Variants in MTG2 observed in about 807,000 individuals in gnomAD.
MTG2 encodes mitochondrial ribosome associated GTPase 2.
A neutral mutation model predicts 28.6 loss-of-function variants in MTG2; 23 were observed. That is an observed-to-expected ratio of 0.80 (90% CI 0.58 to 1.14). MTG2 has a LOEUF of 1.14. Among genes scored for constraint, MTG2 ranks in the 50% most tolerant of loss-of-function variants. The pLI, the probability that MTG2 is intolerant of heterozygous loss-of-function variation, is 0.00. For missense variants in MTG2, 539 were observed against 552.0 expected (o/e 0.98, Z 0.24); for synonymous variants, 260 against 251.8 (o/e 1.03, Z -0.31).
chr20:62,188,411 G>A (rs1409494722), intron 1 of MTG2, among the ~76,000 whole-genome samples: 3 of 151,738 alleles, frequency 2.0e-5, no homozygotes, highest in Non-Finnish European at 4.4e-5. Flanking sequence ...ATGGTTCACT[G>A]CAGCCTCCAA....
intron 1 of MTG2, among the ~76,000 whole-genome samples, chr20:62,184,162 G>T (rs189380780): frequency 8.9e-4 from 135 of 152,326 alleles, no homozygotes; most frequent in South Asian, 3.7e-3. Context: ...TTAAAGACCA[G>T]CCTGGCCAAC....
At chr20:62,193,692 TC>T (rs1408026531) in intron 2 of MTG2, 68 bp downstream of exon 2, 1 of 1,429,714 alleles carries the variant, frequency 7.0e-7, no homozygotes, top group East Asian at 2.5e-5. Flanking sequence ...TGGTTTCGGG[TC>T]CTCCTCTGGG....
At chr20:62,184,121 G>A (rs892867964) in intron 1 of MTG2, among the ~76,000 whole-genome samples, 2 of 152,270 alleles carry the variant, frequency 1.3e-5, no homozygotes, top group Non-Finnish European at 1.5e-5. Context: ...AACTTTGGGA[G>A]GCCAAGGCGG....
At chr20:62,186,359 A>T (rs186544128) in intron 1 of MTG2, among the ~76,000 whole-genome samples, 20 of 152,266 alleles carry the variant, frequency 1.3e-4, no homozygotes, top group African/African-American at 4.3e-4. Context: ...GTTTACTGTG[A>T]AATTATTTTC....
Position 62,188,607 on chromosome 20 carries a change from C to T in MTG2, c.-5-4809C>T, listed in dbSNP as rs2057896153. On this transcript the variant is annotated intron_variant, in intron 1 of 6. Transcript: ENST00000370823. The stretch of plus-strand genomic sequence containing the variant: ...GCCTCAAGTTTTTCTCCTGCCTTGG[C>T]CTCTCAAACTGCTGGGATTACAGGT... 2.0e-5 allele frequency among the ~76,000 whole-genome samples: 3 copies of T among 147,398 alleles called. No individual in the cohort carries two copies. The Admixed American group carries it at 2.1e-4, about 10-fold the overall frequency.
chr20:62,187,845 C>T lies in MTG2; in HGVS notation c.-6+4788C>T, dbSNP rs115516266. Among the ~76,000 whole-genome samples, 606 of 152,262 alleles carry T rather than the reference C, an allele frequency of 4.0e-3. 5 individuals are homozygous for T. Among genetic ancestry groups the T allele is most frequent in the African/African-American group, 0.014 (585 of 41,548 alleles). On this transcript the variant is annotated intron_variant, in intron 1 of 6. Transcript: ENST00000370823. ...TCTGTATTATTCTCCTCCTTCTACTCGACGCTTACTTTGCTCTTTCTGGTT... is the reference window on the plus strand; with the variant it reads ...TCTGTATTATTCTCCTCCTTCTACTTGACGCTTACTTTGCTCTTTCTGGTT...
intron 1 of MTG2, among the ~76,000 whole-genome samples, chr20:62,185,258 A>G (rs2145823133): frequency 6.6e-6 from 1 of 152,016 alleles, no homozygotes; most frequent in Admixed American, 6.6e-5. Context: ...CTAAAAATAC[A>G]AAAATTAGCT....
intron 3 of MTG2, 159 bp from the exon 4 acceptor site, chr20:62,197,692 AT>A: frequency 3.3e-6 from 2 of 603,176 alleles, no homozygotes; most frequent in Admixed American, 3.0e-5. Flanking sequence ...TAAGGATTTC[AT>A]TTTTAAAAAA....
Position 62,200,738 on chromosome 20 carries a change from C to T in MTG2, c.882C>T (p.Ser294=), listed in dbSNP as rs141838389. The change falls in exon 7 of 7, where the codon TCC becomes TCT. Residue 294 remains serine (S), a synonymous_variant. Coordinates refer to ENST00000370823, the MANE Select transcript of MTG2 (RefSeq NM_015666.4). ...RGAHQNRGLG[S]AFLRHIERCR... Reference sequence around the variant, plus strand: ...CCCACCAGAACAGGGGTCTGGGGTCCGCCTTCCTCAGGCACATCGAGCGCT... The same window carrying T: ...CCCACCAGAACAGGGGTCTGGGGTCTGCCTTCCTCAGGCACATCGAGCGCT... The T allele has an allele frequency of 4.4e-5, 71 of 1,613,280 alleles. No homozygotes were observed. The South Asian group carries it at 6.1e-4, about 14-fold the overall frequency.
intron 1 of MTG2, among the ~76,000 whole-genome samples, chr20:62,184,361 A>G (rs906525616): frequency 2.8e-5 from 4 of 142,016 alleles, no homozygotes; most frequent in African/African-American, 1.0e-4. Context: ...CTGTCTCAAA[A>G]ACATACCCAA....
intron 1 of MTG2, among the ~76,000 whole-genome samples, chr20:62,192,267 G>A (rs936253799): frequency 3.9e-5 from 6 of 152,188 alleles, no homozygotes; most frequent in African/African-American, 4.8e-5. Context: ...GATGATTTGC[G>A]GTAGTGGCTC....
chr20:62,193,860 C>T, intron 2 of MTG2: 1 of 534,242 alleles, frequency 1.9e-6, no homozygotes, highest in South Asian at 2.3e-5. Flanking sequence ...AGCCGTGATA[C>T]AGGCTGCTCA....
intron 1 of MTG2, among the ~76,000 whole-genome samples, chr20:62,189,272 T>A (rs2057907738): frequency 6.6e-6 from 1 of 151,190 alleles, no homozygotes. Context: ...GTCACTGTGC[T>A]CCAGCTTGGG....
At chr20:62,184,690 G>A (rs769409980) in intron 1 of MTG2, among the ~76,000 whole-genome samples, 1 of 152,232 alleles carries the variant, frequency 6.6e-6, no homozygotes, top group Non-Finnish European at 1.5e-5. Context: ...TTCCTATGGG[G>A]CAAGCTCAGG....
At chr20:62,186,559 T>A (rs886174112) in intron 1 of MTG2, among the ~76,000 whole-genome samples, 2 of 146,950 alleles carry the variant, frequency 1.4e-5, no homozygotes, top group Non-Finnish European at 3.0e-5. Context: ...GATGGAGTCT[T>A]GCTCTGTCAC....
Position 62,193,624 on chromosome 20 carries a change from G to A in MTG2, c.204G>A (p.Leu68=). The change falls in exon 2 of 7, where the codon CTG becomes CTA. Residue 68 remains leucine, a splice_region_variant and synonymous_variant. Transcript: ENST00000370823. ...PGKKLLSEKK[L]KRYFVDYRRV... ...AGAAGCTGCTCTCTGAGAAAAAGCTGGTGAGACTCCTGGAGTTAGAGCAGC... is the reference window on the plus strand; with the variant it reads ...AGAAGCTGCTCTCTGAGAAAAAGCTAGTGAGACTCCTGGAGTTAGAGCAGC... 6.2e-7 allele frequency: 1 copy of A among 1,608,706 alleles called. No homozygotes were observed. The highest frequency in any genetic ancestry group is 8.5e-7 in the Non-Finnish European group (1 of 1,178,222).
rs1347628458 is a variant in MTG2, at chr20:62,201,081, C to T, written c.*4C>T. On this transcript the variant is annotated 3_prime_UTR_variant, in exon 7 of 7. Transcript: ENST00000370823. ...CCGCCAGCCGCTCAGGTGGTAGCCACGCCAGAGCGGGGTCGCCTCTGGGCC... is the reference window on the plus strand; with the variant it reads ...CCGCCAGCCGCTCAGGTGGTAGCCATGCCAGAGCGGGGTCGCCTCTGGGCC... 8 of 1,586,922 alleles carry T rather than the reference C, an allele frequency of 5.0e-6. No homozygotes were observed. Among genetic ancestry groups the T allele is most frequent in the Non-Finnish European group, 6.8e-6 (8 of 1,168,316 alleles).
Position 62,199,398 on chromosome 20 carries a change from C to T in MTG2, c.826+141C>T. On this transcript the variant is annotated intron_variant, in intron 6 of 6. Transcript: ENST00000370823. ...TGGTGGCTCACACCTGTAACCCCAG[C>T]ACTTTGGGAGGCCGAGGCAGGCGGA... The T allele has an allele frequency of 3.7e-6, 4 of 1,080,056 alleles. No individual in the cohort carries two copies. The East Asian group carries it at 1.1e-4, about 29-fold the overall frequency. 66.9% of individuals were successfully genotyped at this position (1,080,056 alleles called of 1,614,324 possible). A position where few individuals can be genotyped will look rare whatever the true frequency, so the allele number is the denominator to read the frequency against.
intron 1 of MTG2, among the ~76,000 whole-genome samples, chr20:62,187,414 G>C (rs2057870011): frequency 6.6e-6 from 1 of 152,292 alleles, no homozygotes; most frequent in South Asian, 2.1e-4. Context: ...GATTGGCACT[G>C]TTTCTTCCTG....
Sources: gnomAD v4.1 joint callset for allele counts (sites outside exome capture counted in the v4.1 genomes callset) on GRCh38, gnomAD v4.1.1 for gene constraint, MANE v1.5 for transcripts, NCBI Gene and HGNC (gene_info 2026-07-23, HGNC 2026-07-21) for gene names.